The following MRPL1 variants were observed in gnomAD, a reference collection of about 807,000 sequenced individuals.
MRPL1 encodes the protein large ribosomal subunit protein uL1m.
In MRPL1, 28 loss-of-function variants were observed where a neutral mutation model predicts 38.0. The observed-to-expected ratio is 0.74, with a 90% CI of 0.55 to 1.01. MRPL1 has a LOEUF of 1.01. Ranked by LOEUF, MRPL1 falls within the 50% of genes least tolerant of loss-of-function variation. The probability of loss-of-function intolerance (pLI) is 0.00; values close to 1 mark genes in which losing one functional copy is unlikely to be tolerated. For synonymous variants in MRPL1, 123 were observed against 126.7 expected, an observed-to-expected ratio of 0.97 and a Z score of 0.20; for missense variants, 358 against 389.8, an observed-to-expected ratio of 0.92 and a Z score of 0.69.
chr4:77,922,430 T>A (rs905420584), intron 7 of MRPL1, among the ~76,000 whole-genome samples: 1 of 152,152 alleles, frequency 6.6e-6, no homozygotes, highest in Non-Finnish European at 1.5e-5. Context: ...TAGAGTGAGA[T>A]GGAGACCCTT....
At chr4:77,896,821 T>C (rs1372459684) in intron 6 of MRPL1, among the ~76,000 whole-genome samples, 1 of 152,166 alleles carries the variant, frequency 6.6e-6, no homozygotes, top group Non-Finnish European at 1.5e-5. Flanking sequence ...TCTTTGTTTT[T>C]CAAATGCACA....
intron 6 of MRPL1, among the ~76,000 whole-genome samples, chr4:77,900,235 A>G (rs1371871896): frequency 6.6e-6 from 1 of 152,208 alleles, no homozygotes; most frequent in Non-Finnish European, 1.5e-5. Flanking sequence ...TTATTTGTTG[A>G]AAAAGCAGAT....
chr4:77,894,138 G>A lies in MRPL1; in HGVS notation c.559-1G>A, dbSNP rs1490647390. 13 of 1,565,338 alleles carry A rather than the reference G, an allele frequency of 8.3e-6. No individual in the cohort carries two copies. The highest frequency in any genetic ancestry group is 1.1e-5 in the Non-Finnish European group (13 of 1,146,338). The stretch of plus-strand genomic sequence containing the variant: ...GTCACCTTTTTTTTTTTAATTTTCA[G>A]ATTTGGGATGATGAAATTGTTGCAG... On this transcript the variant is annotated splice_acceptor_variant, in intron 5 of 8. Transcript: ENST00000315567. LOFTEE classifies it high-confidence loss of function.
intron 1 of MRPL1, 73 bp from the exon 2 acceptor site, chr4:77,871,667 TACTG>T: frequency 3.0e-6 from 2 of 657,906 alleles, no homozygotes; most frequent in Non-Finnish European, 5.0e-6. Flanking sequence ...ATTTTGAAAG[TACTG>T]ACTTTTAAAA....
intron 7 of MRPL1, among the ~76,000 whole-genome samples, chr4:77,941,267 G>GA (rs76939382): frequency 3.1e-3 from 390 of 127,746 alleles, no homozygotes; most frequent in Middle Eastern, 8.3e-3. Context: ...CTCTGCCTCA[G>GA]AAAAAAAAAA....
chr4:77,938,029 T>G (rs1737029242), intron 7 of MRPL1, among the ~76,000 whole-genome samples: 1 of 152,346 alleles, frequency 6.6e-6, no homozygotes, highest in East Asian at 1.9e-4. Flanking sequence ...TAGCAAAAAC[T>G]TACAAAACAA....
chr4:77,908,826 G>A (rs1464502736), intron 6 of MRPL1, among the ~76,000 whole-genome samples: 1 of 152,178 alleles, frequency 6.6e-6, no homozygotes, highest in Admixed American at 6.5e-5. Flanking sequence ...ATGGGCGATG[G>A]ATCTGCTTGC....
intron 7 of MRPL1, among the ~76,000 whole-genome samples, chr4:77,928,055 G>C (rs1264596666): frequency 6.6e-6 from 1 of 152,172 alleles, no homozygotes; most frequent in African/African-American, 2.4e-5. Flanking sequence ...GTGTAGACAT[G>C]GTCCAATTAT....
At chr4:77,875,911 G>T (rs931847014) in intron 2 of MRPL1, among the ~76,000 whole-genome samples, 1 of 152,142 alleles carries the variant, frequency 6.6e-6, no homozygotes, top group African/African-American at 2.4e-5. Context: ...AGTAGTGCCA[G>T]TTTTCCACAT....
chr4:77,943,914 C>T (rs982243963), intron 7 of MRPL1, among the ~76,000 whole-genome samples: 5 of 152,104 alleles, frequency 3.3e-5, no homozygotes, highest in Non-Finnish European at 7.4e-5. Flanking sequence ...CATTGCGATC[C>T]ATTGCTGATA....
chr4:77,893,178 C>T (rs1735841623), intron 5 of MRPL1, among the ~76,000 whole-genome samples: 2 of 152,166 alleles, frequency 1.3e-5, no homozygotes, highest in Non-Finnish European at 2.9e-5. Context: ...GGCAGTGGCA[C>T]GATCTTGGCT....
chr4:77,914,709 T>TTG (rs370505471), intron 7 of MRPL1, among the ~76,000 whole-genome samples: 11,891 of 140,138 alleles, frequency 0.085, 589 homozygotes, highest in Middle Eastern at 0.14. Flanking sequence ...GATGTGGTAT[T>TTG]TGTGTGTGTG....
chr4:77,872,272 T>G (rs1735298176), intron 2 of MRPL1, among the ~76,000 whole-genome samples: 1 of 150,336 alleles, frequency 6.7e-6, no homozygotes, highest in Non-Finnish European at 1.5e-5. Flanking sequence ...CTGTTGCAAT[T>G]AATGAATTTT....
intron 1 of MRPL1, among the ~76,000 whole-genome samples, chr4:77,867,706 A>G (rs1199431001): frequency 6.9e-6 from 1 of 145,908 alleles, no homozygotes; most frequent in Non-Finnish European, 1.5e-5. Flanking sequence ...TGTTGGGATT[A>G]CATGCGTGAA....
chr4:77,872,278 AT>A (rs1735298425), intron 2 of MRPL1, among the ~76,000 whole-genome samples: 1 of 148,886 alleles, frequency 6.7e-6, no homozygotes, highest in Admixed American at 6.6e-5. Context: ...CAATTAATGA[AT>A]TTTAATTTAA....
At chr4:77,913,908 C>A (rs1056957433) in intron 7 of MRPL1, among the ~76,000 whole-genome samples, 1 of 152,120 alleles carries the variant, frequency 6.6e-6, no homozygotes, top group Non-Finnish European at 1.5e-5. Flanking sequence ...CTGGCAAATG[C>A]AAACTAATGT....
At chr4:77,933,227 G>T (rs1202083957) in intron 7 of MRPL1, among the ~76,000 whole-genome samples, 2 of 152,142 alleles carry the variant, frequency 1.3e-5, no homozygotes, top group East Asian at 3.9e-4. Context: ...TGAGAGGTGT[G>T]AGCCACCACA....
At chr4:77,885,695 A>G (rs1233431346) in intron 4 of MRPL1, among the ~76,000 whole-genome samples, 1 of 152,158 alleles carries the variant, frequency 6.6e-6, no homozygotes, top group Non-Finnish European at 1.5e-5. Flanking sequence ...GAGATCACAA[A>G]TTAATCATTA....
intron 1 of MRPL1, among the ~76,000 whole-genome samples, chr4:77,863,777 T>C (rs1427941666): frequency 6.6e-6 from 1 of 152,128 alleles, no homozygotes; most frequent in Non-Finnish European, 1.5e-5. Context: ...TGTGCAACGC[T>C]TTTTGCTTTT....
Sources: gnomAD v4.1 joint callset for allele counts (sites outside exome capture counted in the v4.1 genomes callset) on GRCh38, gnomAD v4.1.1 for gene constraint, MANE v1.5 for transcripts, NCBI Gene and HGNC (gene_info 2026-07-23, HGNC 2026-07-21) for gene names.